SNX9: variants seen among roughly 807,000 people sequenced by gnomAD.
The protein encoded by SNX9 is sorting nexin-9.
Under a neutral mutation model 89.4 loss-of-function variants are expected in SNX9, and 44 were observed. That is an observed-to-expected ratio of 0.49 (90% CI 0.39 to 0.63). The LOEUF is 0.63. Ranked by LOEUF, SNX9 falls within the 30% of genes least tolerant of loss-of-function variation. The pLI is 0.00. For synonymous variants in SNX9, 236 were observed against 247.8 expected (o/e 0.95, Z 0.45); for missense variants, 578 against 736.1 (o/e 0.79, Z 2.49).
chr6:157,935,782 C>T (rs1389507632), intron 13 of SNX9, among the ~76,000 whole-genome samples, 182 bp from the exon 14 acceptor site: 3 of 152,066 alleles, frequency 2.0e-5, no homozygotes, highest in African/African-American at 4.8e-5. Flanking sequence ...CACAGGCTGG[C>T]GAGAGCTGCC....
Position 157,901,795 on chromosome 6 carries a change from T to C in SNX9, c.473-103T>C, listed in dbSNP as rs115426227. On this transcript the variant is annotated intron_variant, in intron 5 of 17. Transcript: ENST00000392185. ...ACCCTTTTCTCCATCAAAAAAAAAT[T>C]GATTTGCCCAGTAGGTAGTTACTGT... is the stretch of plus-strand genomic sequence containing the variant. 1.7e-3 allele frequency: 2,315 copies of C among 1,388,564 alleles called. 41 individuals carry two copies. The African/African-American group carries it at 0.029, about 18-fold the overall frequency. The allele number at this position is 1,388,564 out of a possible 1,614,324, so 86.0% of individuals were successfully genotyped here. A position where few individuals can be genotyped will look rare whatever the true frequency, so the allele number is the denominator to read the frequency against.
At chr6:157,914,762 G>A (rs1783428049) in intron 9 of SNX9, among the ~76,000 whole-genome samples, 2 of 152,134 alleles carry the variant, frequency 1.3e-5, no homozygotes, top group Non-Finnish European at 2.9e-5. Flanking sequence ...AGAGGCATGA[G>A]CTACCACACT....
intron 4 of SNX9, among the ~76,000 whole-genome samples, chr6:157,887,890 G>A (rs1044003677): frequency 2.0e-5 from 3 of 152,306 alleles, no homozygotes; most frequent in Middle Eastern, 6.8e-3. Context: ...GGACAGTTGT[G>A]GAACCGGGAT....
chr6:157,873,122 G>GGA lies in SNX9; in HGVS notation c.121_122dup (p.Gly42LysfsTer161), dbSNP rs1782449011. 6.3e-7 allele frequency: 1 copy of GGA among 1,597,312 alleles called. No individual in the cohort carries two copies. ...ATTAGGATGTAGGTGGAGGATGGCTGGAAGGAAGAAACATCAAAGGAGAAC... is the reference window on the plus strand; with the variant it reads ...ATTAGGATGTAGGTGGAGGATGGCTGGAGAAGGAAGAAACATCAAAGGAGAAC... On this transcript the variant is annotated frameshift_variant, in exon 3 of 18. Coordinates refer to ENST00000392185, the MANE Select transcript of SNX9 (RefSeq NM_016224.5). LOFTEE classifies it high-confidence loss of function.
At chr6:157,865,366 A>AT (rs1782239608) in intron 1 of SNX9, among the ~76,000 whole-genome samples, 1 of 150,606 alleles carries the variant, frequency 6.6e-6, no homozygotes, top group African/African-American at 2.4e-5. Context: ...AAAACACCAC[A>AT]TAACATGACA....
chr6:157,927,260 C>T (rs190981471), intron 11 of SNX9, 46 bp downstream of exon 11: 39 of 1,371,246 alleles, frequency 2.8e-5, no homozygotes, highest in Middle Eastern at 3.8e-4. Context: ...CCGCACCCTC[C>T]TCCTTTGGCC....
chr6:157,895,213 C>G (rs1782954191), intron 4 of SNX9, among the ~76,000 whole-genome samples: 1 of 152,212 alleles, frequency 6.6e-6, no homozygotes, highest in African/African-American at 2.4e-5. Flanking sequence ...TGTGCACAGC[C>G]TCAGCGAGCT....
chr6:157,901,981 G>A lies in SNX9; in HGVS notation c.556G>A (p.Ala186Thr). The change falls in exon 6 of 18, where the codon GCA (alanine) becomes ACA (threonine). Residue 186 changes from alanine (A) to threonine (T), a missense_variant. Ala to Thr is a moderately conservative substitution (Grantham distance 58, BLOSUM62 0). Transcript: ENST00000392185. ...SYFKDSESAD[A>T]GGAQRGNSRA... is the part of the protein sequence containing the mutation. ...CTTTAAGGATTCAGAGTCAGCTGAT[G>A]CAGGCGGCGCTCAGCGAGGAAACAG... The A allele has an allele frequency of 6.2e-7, 1 of 1,613,780 alleles. No individual in the cohort carries two copies. The highest frequency in any genetic ancestry group is 1.1e-5 in the South Asian group (1 of 91,078).
chr6:157,844,587 G>GTTTTTTTTTTTTTTTTTTTTTTT (rs1177648226), intron 1 of SNX9, among the ~76,000 whole-genome samples: 7 of 130,302 alleles, frequency 5.4e-5, no homozygotes, highest in East Asian at 2.2e-4. Context: ...GCTAATCCTT[G>GTTTTTTTTTTTTTTTTTTTTTTT]TTTTTTTTTT....
chr6:157,916,236 G>C (rs190593607), intron 9 of SNX9, among the ~76,000 whole-genome samples: 1 of 152,072 alleles, frequency 6.6e-6, no homozygotes, highest in Non-Finnish European at 1.5e-5. Context: ...GGGTTTCACT[G>C]TGTTAGCCAG....
At position 157,823,313 on chromosome 6, in the gene SNX9, C is replaced by T. The variant is rs1368704388; in HGVS notation, c.-122C>T. On this transcript the variant is annotated 5_prime_UTR_variant, in exon 1 of 18. Transcript: ENST00000392185. The surrounding 1 kb of genome is among the most constrained non-coding windows in gnomAD (Gnocchi z 4.6). ...CTCGGGGCCGAGGCGGAGGAGCGGC[C>T]GCCGCGCCGGGGCCCAGCCGGAGCC... 4.2e-5 allele frequency: 37 copies of T among 878,966 alleles called. No homozygotes were observed. The highest frequency in any genetic ancestry group is 5.4e-5 in the Non-Finnish European group (37 of 691,226). The allele number at this position is 878,966 out of a possible 1,614,324, so 54.4% of individuals were successfully genotyped here.
chr6:157,887,564 C>T (rs930556164), intron 4 of SNX9, among the ~76,000 whole-genome samples: 2 of 152,152 alleles, frequency 1.3e-5, no homozygotes, highest in Non-Finnish European at 1.5e-5. Context: ...AGTCTCTCCA[C>T]GCAGTGAATG....
intron 1 of SNX9, chr6:157,829,062 G>C (rs1583187264): frequency 6.6e-6 from 1 of 151,794 alleles, no homozygotes; most frequent in African/African-American, 2.4e-5. Context: ...GTAAGCTTTT[G>C]TTCTTTTAAT....
intron 1 of SNX9, among the ~76,000 whole-genome samples, chr6:157,860,547 T>G (rs749292182): frequency 2.1e-4 from 32 of 152,356 alleles, no homozygotes; most frequent in Middle Eastern, 3.4e-3. Flanking sequence ...ACATGTGATA[T>G]GGCCAGTTGA....
chr6:157,916,856 G>A (rs1783482683), intron 9 of SNX9, among the ~76,000 whole-genome samples: 1 of 152,154 alleles, frequency 6.6e-6, no homozygotes, highest in African/African-American at 2.4e-5. Flanking sequence ...GGTTCACGAT[G>A]GTTATTGGTC....
At chr6:157,832,314 A>T (rs889952679) in intron 1 of SNX9, among the ~76,000 whole-genome samples, 3 of 152,234 alleles carry the variant, frequency 2.0e-5, no homozygotes, top group Non-Finnish European at 2.9e-5. Flanking sequence ...GTTGTCATCC[A>T]CAACTCATTC....
rs1204989208 is a variant in SNX9 at position 157,823,273 on chromosome 6, G to C, written c.-162G>C. The C allele has an allele frequency of 7.1e-6, 3 of 424,536 alleles. No individual in the cohort carries two copies. The highest frequency in any genetic ancestry group is 6.4e-5 in the African/African-American group (3 of 46,586). 26.3% of individuals were successfully genotyped at this position (424,536 alleles called of 1,614,324 possible). A position where few individuals can be genotyped will look rare whatever the true frequency, so the allele number is the denominator to read the frequency against. ...GAGTAGCCGAGCGCCCAGCGGCTGG[G>C]CCTGAGCGTCGAGACTCGGGGCCGA... On this transcript the variant is annotated 5_prime_UTR_variant, in exon 1 of 18. Coordinates refer to ENST00000392185, the MANE Select transcript of SNX9 (RefSeq NM_016224.5). This position sits in a 1 kb window ranked among gnomAD's most constrained non-coding sequence, Gnocchi z 4.6.
chr6:157,826,641 T>C (rs897494273), intron 1 of SNX9, among the ~76,000 whole-genome samples: 1 of 145,924 alleles, frequency 6.9e-6, no homozygotes, highest in East Asian at 1.9e-4. Context: ...TCAAGTCTTG[T>C]TTTACAAATA....
chr6:157,940,798 A>AT, intron 16 of SNX9, 85 bp from the exon 17 acceptor site: 2 of 1,203,850 alleles, frequency 1.7e-6, no homozygotes, highest in Middle Eastern at 4.4e-4. Context: ...CAGGTTGATG[A>AT]TTAATTGTAA....
Sources: gnomAD v4.1 joint callset for allele counts (sites outside exome capture counted in the v4.1 genomes callset) on GRCh38, gnomAD v4.1.1 for gene constraint, Gnocchi (gnomAD v3.1) non-coding constraint, MANE v1.5 for transcripts, NCBI Gene and HGNC (gene_info 2026-07-23, HGNC 2026-07-21) for gene names.